PDE4B: variants seen among roughly 807,000 people sequenced by gnomAD.
PDE4B encodes the protein 3',5'-cyclic-AMP phosphodiesterase 4B.
PDE4B carries 20 observed loss-of-function variants against 82.2 expected under a neutral mutation model. The observed-to-expected ratio is 0.24, with a 90% CI of 0.17 to 0.35. The LOEUF is 0.35. Among genes scored for constraint, PDE4B ranks in the 10% least tolerant of loss-of-function variants. PDE4B has a pLI of 1.00. For missense variants in PDE4B, 655 were observed against 907.2 expected (o/e 0.72, Z 3.57); for synonymous variants, 320 against 318.9 (o/e 1.00, Z -0.04).
intron 3 of PDE4B, among the ~76,000 whole-genome samples, chr1:66,096,508 TTATATATATATATATATATATATA>T (rs4068855): frequency 3.4e-4 from 36 of 107,328 alleles, no homozygotes; most frequent in African/African-American, 9.5e-4. Context: ...GTAAAAAAAA[TTATATATATATATATATATATATA>T]TATATATATA....
intron 1 of PDE4B, among the ~76,000 whole-genome samples, chr1:65,869,810 T>G (rs1646553078): frequency 6.6e-6 from 1 of 151,256 alleles, no homozygotes; most frequent in South Asian, 2.1e-4. Flanking sequence ...TTTTTTTTTT[T>G]TAAATGGCAC....
At chr1:65,919,168 A>G (rs1197867347) in intron 3 of PDE4B, among the ~76,000 whole-genome samples, 1 of 152,242 alleles carries the variant, frequency 6.6e-6, no homozygotes, top group Non-Finnish European at 1.5e-5. Context: ...TTTTTGACTT[A>G]GAAAAACAAA....
intron 1 of PDE4B, among the ~76,000 whole-genome samples, chr1:65,908,474 A>G (rs1418906084): frequency 6.6e-6 from 1 of 152,188 alleles, no homozygotes; most frequent in African/African-American, 2.4e-5. Flanking sequence ...GAGAAAGAGA[A>G]GTGGAGAGAT....
intron 3 of PDE4B, among the ~76,000 whole-genome samples, chr1:65,937,546 G>T (rs1393958166): frequency 1.3e-5 from 2 of 152,150 alleles, no homozygotes; most frequent in Non-Finnish European, 2.9e-5. Flanking sequence ...GCATGGATGG[G>T]AAACTGATGA....
chr1:66,015,354 T>C (rs1652710639), intron 3 of PDE4B, among the ~76,000 whole-genome samples: 1 of 152,142 alleles, frequency 6.6e-6, no homozygotes, highest in Non-Finnish European at 1.5e-5. Flanking sequence ...AATATAAACA[T>C]GAAATTAATT....
intron 1 of PDE4B, among the ~76,000 whole-genome samples, chr1:65,868,680 G>A (rs1646539299): frequency 2.0e-5 from 3 of 152,188 alleles, no homozygotes; most frequent in Admixed American, 2.0e-4. Context: ...CTGCAGACCA[G>A]TAGTGGTCTG....
At chr1:66,056,451 A>G (rs1422799667) in intron 3 of PDE4B, among the ~76,000 whole-genome samples, 2 of 152,156 alleles carry the variant, frequency 1.3e-5, no homozygotes, top group African/African-American at 4.8e-5. Flanking sequence ...ACATGGAGAA[A>G]GCAAGGAAAT....
chr1:65,965,592 C>G lies in PDE4B; in HGVS notation c.281+46757C>G, dbSNP rs1397151602. ...GACTTAACATTTCTTAACAGCTTAT[C>G]TGATGGGAACAAACCCAAACTGGCA... On this transcript the variant is annotated intron_variant, in intron 3 of 16. Coordinates refer to ENST00000341517, the MANE Select transcript of PDE4B (RefSeq NM_002600.4). 2.0e-5 allele frequency among the ~76,000 whole-genome samples: 3 copies of G among 151,634 alleles called. No individual in the cohort carries two copies. The East Asian group carries it at 5.8e-4, about 29-fold the overall frequency.
In PDE4B at chr1:66,036,961, C is replaced by T. The variant is rs191286209; in HGVS notation, c.281+118126C>T. Among the ~76,000 whole-genome samples, 114 of 151,834 alleles carry T rather than the reference C, an allele frequency of 7.5e-4. 1 individual carries two copies. Among genetic ancestry groups the T allele is most frequent in the African/African-American group, 2.6e-3 (107 of 41,408 alleles). ...CAGCCTGACCAACATGGTGAAACCC[C>T]GTCTCTACTAAAAATACAAAAAGTT... On this transcript the variant is annotated intron_variant, in intron 3 of 16. Transcript: ENST00000341517.
At chr1:66,093,955 T>C (rs181057716) in intron 3 of PDE4B, among the ~76,000 whole-genome samples, 37 of 152,190 alleles carry the variant, frequency 2.4e-4, no homozygotes, top group African/African-American at 9.6e-5. Flanking sequence ...ACTTCTCCTA[T>C]ATGCCAGGCA....
chr1:66,203,952 T>C (rs1398974196), intron 3 of PDE4B, among the ~76,000 whole-genome samples: 3 of 152,222 alleles, frequency 2.0e-5, no homozygotes, highest in Non-Finnish European at 4.4e-5. Context: ...GTTTTTCTGC[T>C]CTGTTTTTTC....
intron 3 of PDE4B, among the ~76,000 whole-genome samples, chr1:65,955,442 C>T (rs113134257): frequency 0.012 from 1,870 of 152,156 alleles, 37 homozygotes; most frequent in African/African-American, 0.042. Flanking sequence ...GGAAAAACAA[C>T]AACAAAAGCA....
chr1:65,827,691 A>T (rs1646035558), intron 1 of PDE4B, among the ~76,000 whole-genome samples: 2 of 152,170 alleles, frequency 1.3e-5, no homozygotes, highest in South Asian at 4.1e-4. Context: ...CTGGAATCCT[A>T]GGAGGAGAAA....
chr1:66,366,408 C>G (rs1389599601), intron 13 of PDE4B, among the ~76,000 whole-genome samples: 1 of 152,062 alleles, frequency 6.6e-6, no homozygotes. Flanking sequence ...AGTTTTCATA[C>G]CTTTGAAAAT....
chr1:66,299,523 C>T (rs1241833574), intron 7 of PDE4B, among the ~76,000 whole-genome samples: 1 of 152,088 alleles, frequency 6.6e-6, no homozygotes, highest in South Asian at 2.1e-4. Context: ...CTGCAATAAA[C>T]GTGGGGTGCA....
rs1477436055 is a variant in PDE4B, at chr1:65,897,580, G to C, written c.-70-15665G>C. Among the ~76,000 whole-genome samples the C allele has an allele frequency of 2.6e-5, 4 of 152,010 alleles. No individual in the cohort carries two copies. The East Asian group carries it at 7.7e-4, about 29-fold the overall frequency. On this transcript the variant is annotated intron_variant, in intron 1 of 16. Coordinates refer to ENST00000341517, the MANE Select transcript of PDE4B (RefSeq NM_002600.4). ...AGCTCCCACTTGTAAGTGAGAGCGT[G>C]TGTATTTGGTTTTCTATTCTTGTGT... is the stretch of plus-strand genomic sequence containing the variant.
At chr1:66,024,051 C>T (rs547498672) in intron 3 of PDE4B, among the ~76,000 whole-genome samples, 63 of 152,152 alleles carry the variant, frequency 4.1e-4, no homozygotes, top group African/African-American at 1.5e-3. Context: ...TTTTGTGCTG[C>T]CTACCCACTA....
chr1:66,350,062 G>T (rs1570748925), intron 8 of PDE4B, among the ~76,000 whole-genome samples: 1 of 151,958 alleles, frequency 6.6e-6, no homozygotes, highest in Non-Finnish European at 1.5e-5. Context: ...TACCACTGCA[G>T]TTTCGACTTC....
chr1:66,090,606 ATATG>A (rs1281713275), intron 3 of PDE4B, among the ~76,000 whole-genome samples: 23 of 61,052 alleles, frequency 3.8e-4, no homozygotes, highest in Admixed American at 7.8e-4. Flanking sequence ...TTATATATAT[ATATG>A]TATATAATAT....
Sources: allele counts gnomAD v4.1 joint callset (sites outside exome capture counted in the v4.1 genomes callset), GRCh38; gene constraint gnomAD v4.1.1; transcripts MANE v1.5; gene names NCBI Gene and HGNC (gene_info 2026-07-23, HGNC 2026-07-21).